Variants in DDX46 observed in about 807,000 individuals in gnomAD.
The protein encoded by DDX46 is probable ATP-dependent RNA helicase DDX46.
In DDX46, 30 loss-of-function variants were observed where a neutral mutation model predicts 134.9. The ratio of observed to expected loss-of-function variants is 0.22; its 90% CI spans 0.17 to 0.30. The LOEUF is 0.30. DDX46 is among the 10% of genes least tolerant of loss of function. DDX46 has a pLI of 1.00. For missense variants in DDX46, 622 were observed against 1,248.7 expected (o/e 0.50, Z 7.56); for synonymous variants, 415 against 404.1 (o/e 1.03, Z -0.32).
intron 15 of DDX46, among the ~76,000 whole-genome samples, chr5:134,796,891 C>T (rs1162637649): frequency 1.1e-4 from 16 of 149,792 alleles, no homozygotes; most frequent in African/African-American, 3.9e-4. Context: ...GTGGCTCACA[C>T]CTGTAATCCC....
intron 1 of DDX46, among the ~76,000 whole-genome samples, chr5:134,759,438 T>G (rs542836862): frequency 6.6e-6 from 1 of 152,342 alleles, no homozygotes; most frequent in East Asian, 1.9e-4. Flanking sequence ...AGGCTTTTAC[T>G]GGGCTACAAT....
chr5:134,774,569 T>G (rs1753875710), intron 5 of DDX46, among the ~76,000 whole-genome samples: 1 of 152,252 alleles, frequency 6.6e-6, no homozygotes, highest in Non-Finnish European at 1.5e-5. Context: ...GATTTTACTT[T>G]AGAATGAATC....
intron 11 of DDX46, among the ~76,000 whole-genome samples, 154 bp from the exon 12 acceptor site, chr5:134,788,359 G>A (rs1166545678): frequency 2.6e-5 from 4 of 152,048 alleles, no homozygotes; most frequent in Non-Finnish European, 5.9e-5. Flanking sequence ...TGGTCACGTT[G>A]TTGCTATTTC....
At chr5:134,787,144 G>C (rs1754362971) in intron 11 of DDX46, among the ~76,000 whole-genome samples, 1 of 152,046 alleles carries the variant, frequency 6.6e-6, no homozygotes, top group African/African-American at 2.4e-5. Context: ...GGCTGGTCTT[G>C]AATTCCTGGG....
At chr5:134,808,279 C>A (rs145836320) in intron 16 of DDX46, among the ~76,000 whole-genome samples, 1 of 152,282 alleles carries the variant, frequency 6.6e-6, no homozygotes, top group African/African-American at 2.4e-5. Context: ...GTTGAAAATG[C>A]ATTTAATATA....
At chr5:134,765,416 G>T (rs886632002) in intron 2 of DDX46, among the ~76,000 whole-genome samples, 15 of 151,572 alleles carry the variant, frequency 9.9e-5, no homozygotes, top group Admixed American at 7.9e-4. Context: ...AGCCAGGTGT[G>T]GTGGTGCATG....
intron 2 of DDX46, among the ~76,000 whole-genome samples, chr5:134,764,944 G>A (rs1284874206): frequency 6.6e-6 from 1 of 150,434 alleles, no homozygotes; most frequent in East Asian, 2.0e-4. Context: ...TAAACAGTGT[G>A]TTTAGAGCAG....
intron 15 of DDX46, chr5:134,805,236 T>A (rs1754948222): frequency 6.0e-6 from 1 of 165,724 alleles, no homozygotes; most frequent in Non-Finnish European, 1.3e-5. Flanking sequence ...GGTGGCACGA[T>A]CTCTGCTCAC....
chr5:134,813,202 C>G (rs1369290078), intron 18 of DDX46, among the ~76,000 whole-genome samples: 2 of 152,238 alleles, frequency 1.3e-5, no homozygotes, highest in Non-Finnish European at 1.5e-5. Context: ...CTCGGCCTCC[C>G]AAAGTGCTCA....
intron 16 of DDX46, among the ~76,000 whole-genome samples, chr5:134,809,170 T>C (rs1755070016): frequency 6.6e-6 from 1 of 152,192 alleles, no homozygotes; most frequent in Non-Finnish European, 1.5e-5. Flanking sequence ...GAATATTTTT[T>C]TGGAAAGGGC....
chr5:134,765,323 A>G (rs983669802), intron 2 of DDX46, among the ~76,000 whole-genome samples: 3 of 150,670 alleles, frequency 2.0e-5, no homozygotes. Flanking sequence ...AGGTGGGTGA[A>G]TCACGAGGTC....
At chr5:134,815,703 T>G (rs1328496755) in intron 18 of DDX46, among the ~76,000 whole-genome samples, 1 of 72,922 alleles carries the variant, frequency 1.4e-5, no homozygotes, top group Non-Finnish European at 2.1e-5. Flanking sequence ...CGAGACTCTG[T>G]CTCAAAAAAA....
intron 21 of DDX46, among the ~76,000 whole-genome samples, chr5:134,824,211 A>T (rs1755529893): frequency 6.6e-6 from 1 of 152,216 alleles, no homozygotes; most frequent in South Asian, 2.1e-4. Flanking sequence ...CACTCAGGAA[A>T]TAACGTCTAA....
In DDX46 at chr5:134,784,422, C is replaced by G; in HGVS notation, c.1223C>G (p.Ser408Cys). The G allele has an allele frequency of 1.2e-6, 2 of 1,614,028 alleles. No individual in the cohort carries two copies. The highest frequency in any genetic ancestry group is 1.3e-5 in the African/African-American group (1 of 75,008). The change falls in exon 10 of 23, where the codon TCT becomes TGT. Residue 408 changes from serine to cysteine, a missense_variant. By Grantham distance (112) the Ser-to-Cys change is moderately radical. Around this residue, in one of 8 missense-constraint regions of DDX46, gnomAD observed 209 missense variants for 508.4 expected, o/e 0.41. Coordinates refer to ENST00000452510, the MANE Select transcript of DDX46 (RefSeq NM_001300860.2). ...ACCCAAGCTATTCCTGCTATAATGT[C>G]TGGACGAGATTTGATTGGCATTGCC... is the stretch of plus-strand genomic sequence containing the variant. ...IQTQAIPAIM[S>C]GRDLIGIAKT...
In DDX46 at chr5:134,767,074, T is replaced by C. The variant is rs369332435; in HGVS notation, c.350+14T>C. On this transcript the variant is annotated intron_variant, in intron 3 of 22. Coordinates refer to ENST00000452510, the MANE Select transcript of DDX46 (RefSeq NM_001300860.2). Reference sequence around the variant, plus strand: ...AACTGAGAATAGGTAATGTTATCATTGGGCTGCATCTATAGTGCAGACTGG... The same window carrying C: ...AACTGAGAATAGGTAATGTTATCATCGGGCTGCATCTATAGTGCAGACTGG... 1 of 1,609,298 alleles carries C rather than the reference T, an allele frequency of 6.2e-7. No homozygotes were observed. Among genetic ancestry groups the C allele is most frequent in the African/African-American group, 1.3e-5 (1 of 74,334 alleles).
intron 15 of DDX46, among the ~76,000 whole-genome samples, chr5:134,798,865 C>T (rs1326116094): frequency 2.0e-5 from 3 of 152,188 alleles, no homozygotes; most frequent in Admixed American, 6.5e-5. Context: ...GCCAGCCCTT[C>T]GTGTCCATAG....
At chr5:134,779,167 G>A (rs1255487902) in intron 6 of DDX46, among the ~76,000 whole-genome samples, 2 of 152,082 alleles carry the variant, frequency 1.3e-5, no homozygotes, top group African/African-American at 4.8e-5. Context: ...AACGTGCTGG[G>A]ATTATAGGCA....
intron 1 of DDX46, among the ~76,000 whole-genome samples, chr5:134,761,724 C>G (rs1239553317): frequency 6.6e-6 from 1 of 152,186 alleles, no homozygotes; most frequent in Non-Finnish European, 1.5e-5. Context: ...AGTGATTTCT[C>G]TCTTGCTGTC....
At chr5:134,792,433 A>G (rs541750531) in intron 13 of DDX46, among the ~76,000 whole-genome samples, 19 of 152,264 alleles carry the variant, frequency 1.2e-4, no homozygotes, top group African/African-American at 4.1e-4. Context: ...GATATACTGA[A>G]TATCTGTTTC....
Sources: allele counts gnomAD v4.1 joint callset (sites outside exome capture counted in the v4.1 genomes callset), GRCh38; gene constraint gnomAD v4.1.1; regional missense constraint gnomAD v4.1.1; transcripts MANE v1.5; gene names NCBI Gene and HGNC (gene_info 2026-07-23, HGNC 2026-07-21).